USP32: variants seen among roughly 807,000 people sequenced by gnomAD.
USP32 encodes ubiquitin carboxyl-terminal hydrolase 32.
In USP32, 59 loss-of-function variants were observed where a neutral mutation model predicts 204.8. The ratio of observed to expected loss-of-function variants is 0.29; its 90% CI spans 0.23 to 0.36. USP32 has a LOEUF of 0.36. USP32 is among the 10% of genes least tolerant of loss of function. The pLI, the probability that USP32 is intolerant of heterozygous loss-of-function variation, is 1.00. For missense variants in USP32, 1,160 were observed against 1,946.4 expected (o/e 0.60, Z 7.60); for synonymous variants, 517 against 678.4 (o/e 0.76, Z 3.70).
intron 33 of USP32, among the ~76,000 whole-genome samples, chr17:60,179,914 C>A (rs1384809922): frequency 2.0e-5 from 3 of 152,196 alleles, no homozygotes; most frequent in Non-Finnish European, 2.9e-5. Flanking sequence ...TCATGATCCG[C>A]CTGCCTTGGC....
intron 11 of USP32, among the ~76,000 whole-genome samples, chr17:60,242,759 C>T (rs747409996): frequency 2.0e-5 from 3 of 151,956 alleles, no homozygotes; most frequent in Non-Finnish European, 2.9e-5. Flanking sequence ...TATGATTCTC[C>T]TTATTCCAGT....
In USP32 at chr17:60,421,724, A is replaced by T. The variant is rs902595994; in HGVS notation, c.106+522T>A. 4 of 797,244 alleles carry T rather than the reference A, an allele frequency of 5.0e-6. No individual in the cohort carries two copies. The African/African-American group carries it at 5.6e-5, about 11-fold the overall frequency. 49.4% of individuals were successfully genotyped at this position (797,244 alleles called of 1,614,324 possible). On this transcript the variant is annotated intron_variant, in intron 1 of 3. Transcript: ENST00000588898. ...CCTCCCGGCCCTGCCCGGCCAACTC[A>T]GACTACACCCGGACTCTGCCCACCG...
chr17:60,218,968 A>G (rs904175238), intron 16 of USP32, among the ~76,000 whole-genome samples: 2 of 152,250 alleles, frequency 1.3e-5, no homozygotes, highest in East Asian at 1.9e-4. Flanking sequence ...TTGCCCGTCA[A>G]TAAAGTTTAA....
intron 2 of USP32, among the ~76,000 whole-genome samples, chr17:60,334,138 G>A (rs1171049176): frequency 6.6e-6 from 1 of 152,110 alleles, no homozygotes; most frequent in Non-Finnish European, 1.5e-5. Context: ...TGAGTTTACT[G>A]TAAAAAAGCA....
chr17:60,403,675 AACTT>A lies in USP32; in HGVS notation c.106+18567_106+18570del, dbSNP rs535647435. ...AAGGAAAGGGGGTCGTGATGTATTG[AACTT>A]ACTTTTAAATGCTTCAGGGACAAAC... On this transcript the variant is annotated intron_variant, in intron 1 of 3. Transcript: ENST00000588898. 9.9e-5 allele frequency among the ~76,000 whole-genome samples: 15 copies of A among 152,268 alleles called. 1 individual carries two copies. In the South Asian group the frequency reaches 2.9e-3, roughly 29 times the overall value.
At chr17:60,198,567 T>G in intron 26 of USP32, 123 bp from the exon 27 acceptor site, 2 of 1,208,322 alleles carry the variant, frequency 1.7e-6, no homozygotes, top group South Asian at 1.6e-5. Context: ...ACTATCACAT[T>G]CTTCTCTGTA....
chr17:60,241,664 T>C (rs1387796677), intron 11 of USP32, among the ~76,000 whole-genome samples: 1 of 152,228 alleles, frequency 6.6e-6, no homozygotes, highest in Non-Finnish European at 1.5e-5. Context: ...GTCATGTACT[T>C]ACATGTATGG....
intron 2 of USP32, among the ~76,000 whole-genome samples, chr17:60,330,623 T>G (rs1304430200): frequency 1.3e-5 from 2 of 151,510 alleles, no homozygotes; most frequent in Non-Finnish European, 2.9e-5. Flanking sequence ...CATGGTTCAC[T>G]GTAGCCTCAA....
intron 33 of USP32, among the ~76,000 whole-genome samples, chr17:60,179,822 C>G (rs1433207031): frequency 6.6e-6 from 1 of 151,968 alleles, no homozygotes; most frequent in Non-Finnish European, 1.5e-5. Flanking sequence ...AGGTGCGTGC[C>G]ACCACGCCTG....
rs1477823047 is a variant in USP32, at chr17:60,208,206, A to C, written c.2778T>G (p.Ile926Met). Reference protein sequence around the residue: ...DSYMHLEITVIKLDGTTPVRY... With the variant: ...DSYMHLEITVMKLDGTTPVRY... Reference sequence around the variant, plus strand: ...GTACAGGGGTAGTACCATCTAACTTAATCACTAGTAAAGAGAAAAGATCTT... The same window carrying C: ...GTACAGGGGTAGTACCATCTAACTTCATCACTAGTAAAGAGAAAAGATCTT... The change falls in exon 24 of 34, where the codon ATT becomes ATG. Residue 926 changes from isoleucine to methionine, a missense_variant. Transcript: ENST00000300896. 6.4e-7 allele frequency: 1 copy of C among 1,559,702 alleles called. No individual in the cohort carries two copies. Among genetic ancestry groups the C allele is most frequent in the Non-Finnish European group, 8.7e-7 (1 of 1,155,054 alleles).
chr17:60,217,253 C>T lies in USP32; in HGVS notation c.1867+2417G>A, dbSNP rs563950290. ...TCAGCACAAGAGTTACAAAGAATAC[C>T]TACTAAAAGTGCAACAACACATCTT... On this transcript the variant is annotated intron_variant, in intron 16 of 33. Transcript: ENST00000300896. Among the ~76,000 whole-genome samples the T allele has an allele frequency of 4.8e-4, 73 of 152,146 alleles. 1 individual carries two copies. The East Asian group carries it at 0.014, about 29-fold the overall frequency.
At chr17:60,369,602 G>T (rs1454177098) in intron 1 of USP32, among the ~76,000 whole-genome samples, 3 of 152,034 alleles carry the variant, frequency 2.0e-5, no homozygotes, top group African/African-American at 7.2e-5. Flanking sequence ...ACAATTGGCA[G>T]ATCTGACATA....
At chr17:60,417,484 G>A (rs1314085892) in intron 1 of USP32, among the ~76,000 whole-genome samples, 5 of 144,756 alleles carry the variant, frequency 3.5e-5, no homozygotes, top group East Asian at 2.1e-4. Context: ...ACAGAGTCTC[G>A]CTCTTGTCGC....
chr17:60,265,931 C>A, intron 8 of USP32, 45 bp downstream of exon 8: 1 of 1,415,616 alleles, frequency 7.1e-7, no homozygotes, highest in South Asian at 1.2e-5. Context: ...TCCAATTTCC[C>A]ATTGGAAGTT....
Position 60,222,395 on chromosome 17 carries a change from T to C in USP32, c.1749+14A>G, listed in dbSNP as rs2306672. ...TGACTGCTCCTTATATAAGGCACTA[T>C]TAACTATACTTACTGGTCTAGGTAA... On this transcript the variant is annotated intron_variant, in intron 15 of 33. Transcript: ENST00000300896. 300 of 1,611,414 alleles carry C rather than the reference T, an allele frequency of 1.9e-4. 3 individuals are homozygous for C. In the East Asian group the frequency reaches 6.6e-3, roughly 36 times the overall value.
At chr17:60,365,422 A>C (rs1264907750) in intron 1 of USP32, among the ~76,000 whole-genome samples, 1 of 152,156 alleles carries the variant, frequency 6.6e-6, no homozygotes, top group Non-Finnish European at 1.5e-5. Context: ...TGAAGGTTGC[A>C]GTGAGCCAAG....
rs1280032344 is a variant in USP32 at position 60,203,419 on chromosome 17, AAAG to A, written c.3249+2025_3249+2027del. ...GTCAAAAAAAAAAAAAAAAAAAAAA[AAAG>A]AATATATTTCTGTTGTTTAAAGCCA... On this transcript the variant is annotated intron_variant, in intron 26 of 33. Coordinates refer to ENST00000300896, the MANE Select transcript of USP32 (RefSeq NM_032582.4). 1.3e-3 allele frequency among the ~76,000 whole-genome samples: 199 copies of A among 150,116 alleles called. 4 individuals carry two copies. The highest frequency in any genetic ancestry group is 0.013 in the Admixed American group (190 of 14,790).
At chr17:60,232,613 CT>C (rs1304340061) in intron 12 of USP32, among the ~76,000 whole-genome samples, 3 of 143,816 alleles carry the variant, frequency 2.1e-5, no homozygotes, top group Non-Finnish European at 3.0e-5. Flanking sequence ...GTGGCATCAT[CT>C]TGGCTCTCTA....
At chr17:60,406,087 G>A (rs2089973122) in intron 1 of USP32, among the ~76,000 whole-genome samples, 1 of 148,106 alleles carries the variant, frequency 6.8e-6, no homozygotes, top group Admixed American at 6.9e-5. Flanking sequence ...AGTCCAGGAG[G>A]TCAAGGCTGC....
Sources: allele counts gnomAD v4.1 joint callset (sites outside exome capture counted in the v4.1 genomes callset), GRCh38; gene constraint gnomAD v4.1.1; transcripts MANE v1.5; gene names NCBI Gene and HGNC (gene_info 2026-07-23, HGNC 2026-07-21).